Variants in GABRA2 observed in about 807,000 individuals in gnomAD.
The protein encoded by GABRA2 is gamma-aminobutyric acid receptor subunit alpha-2.
GABRA2 carries 16 observed loss-of-function variants against 48.7 expected under a neutral mutation model. The ratio of observed to expected loss-of-function variants is 0.33; its 90% CI spans 0.22 to 0.50. The LOEUF (loss-of-function observed/expected upper bound fraction) is 0.50, where lower values mean the gene tolerates loss of function less well. Ranked by LOEUF, GABRA2 falls within the 20% of genes least tolerant of loss-of-function variation. GABRA2 has a pLI of 0.98. For missense variants in GABRA2, 275 were observed against 535.6 expected (o/e 0.51, Z 4.80); for synonymous variants, 185 against 184.5 (o/e 1.00, Z -0.02).
chr4:46,300,318 C>T (rs750054239), intron 8 of GABRA2, among the ~76,000 whole-genome samples: 17 of 151,836 alleles, frequency 1.1e-4, no homozygotes, highest in South Asian at 6.2e-4. Flanking sequence ...TGTGCGCGCG[C>T]GTTTTGAGAT....
At chr4:46,383,378 C>T (rs1717021557) in intron 3 of GABRA2, among the ~76,000 whole-genome samples, 1 of 152,116 alleles carries the variant, frequency 6.6e-6, no homozygotes, top group African/African-American at 2.4e-5. Context: ...CTCAACATAC[C>T]ACCTCAACAT....
Position 46,313,733 on chromosome 4 carries a change from AT to A in GABRA2, c.256-1018del, listed in dbSNP as rs370377663. Among the ~76,000 whole-genome samples the A allele has an allele frequency of 2.9e-3, 448 of 152,266 alleles. 6 individuals carry two copies. Among genetic ancestry groups the A allele is most frequent in the African/African-American group, 9.9e-3 (413 of 41,554 alleles). ...CAGTGTATATTTGTATAAACATACT[AT>A]AAATAATTGAAATGCTCAATTACAC... On this transcript the variant is annotated intron_variant, in intron 4 of 9. Transcript: ENST00000381620.
intron 3 of GABRA2, chr4:46,368,300 G>A (rs1027605875): frequency 6.6e-6 from 1 of 152,164 alleles, no homozygotes; most frequent in Non-Finnish European, 1.5e-5. Context: ...ATGGGGGACA[G>A]AGGCCTCTCT....
At chr4:46,301,656 C>T (rs1326696066) in intron 8 of GABRA2, among the ~76,000 whole-genome samples, 8 of 152,196 alleles carry the variant, frequency 5.3e-5, no homozygotes, top group Non-Finnish European at 1.0e-4. Flanking sequence ...CAAGTCTCAG[C>T]TCAAATGGTA....
chr4:46,371,674 C>T (rs1714913883), intron 3 of GABRA2, among the ~76,000 whole-genome samples: 1 of 152,062 alleles, frequency 6.6e-6, no homozygotes, highest in African/African-American at 2.4e-5. Flanking sequence ...TATTATGCAG[C>T]ATATCCACCT....
chr4:46,257,039 A>C (rs1715978037), intron 9 of GABRA2, among the ~76,000 whole-genome samples: 2 of 151,668 alleles, frequency 1.3e-5, no homozygotes, highest in Non-Finnish European at 3.0e-5. Flanking sequence ...ACTCAATAAG[A>C]TATGTACTAA....
intron 8 of GABRA2, 29 bp from the exon 9 acceptor site, chr4:46,262,157 C>T (rs1456428807): frequency 6.9e-6 from 11 of 1,588,128 alleles, no homozygotes; most frequent in Non-Finnish European, 8.6e-6. Flanking sequence ...GAATCGAAAA[C>T]ATCAATAGGT....
chr4:46,266,989 G>T (rs1189632953), intron 8 of GABRA2, among the ~76,000 whole-genome samples: 1 of 151,964 alleles, frequency 6.6e-6, no homozygotes, highest in East Asian at 1.9e-4. Context: ...CTCCCAAAGT[G>T]CTGGGATTAC....
At chr4:46,367,491 T>TCTCTTTTTAAATATCTTCAATA (rs1251925866) in intron 3 of GABRA2, 1 of 152,070 alleles carries the variant, frequency 6.6e-6, no homozygotes, top group African/African-American at 2.4e-5. Flanking sequence ...TCAAAGAGTA[T>TCTCTTTTTAAATATCTTCAATA]CTCTTTTTAA....
At chr4:46,368,962 C>T (rs1174785225) in intron 3 of GABRA2, 1 of 699,442 alleles carries the variant, frequency 1.4e-6, no homozygotes, top group Non-Finnish European at 2.6e-6. Context: ...TTTGTTCTGG[C>T]TCTTGAAGGC....
intron 3 of GABRA2, among the ~76,000 whole-genome samples, chr4:46,385,802 CTAAG>C (rs1156409965): frequency 6.6e-6 from 1 of 151,974 alleles, no homozygotes; most frequent in African/African-American, 2.4e-5. Flanking sequence ...TTAACATACT[CTAAG>C]TGTGAGAAAG....
intron 3 of GABRA2, among the ~76,000 whole-genome samples, chr4:46,385,669 T>G (rs1253400241): frequency 1.3e-5 from 2 of 152,064 alleles, no homozygotes; most frequent in East Asian, 3.9e-4. Flanking sequence ...ATTCTTAAAT[T>G]TTTTATGTTC....
chr4:46,383,238 C>T (rs1193952570), intron 3 of GABRA2, among the ~76,000 whole-genome samples: 19 of 152,074 alleles, frequency 1.2e-4, no homozygotes, highest in Admixed American at 1.2e-3. Context: ...CATTAGAAAT[C>T]CTGTTTCACA....
intron 1 of GABRA2, chr4:46,389,034 G>T (rs200783194): frequency 9.0e-7 from 1 of 1,114,430 alleles, no homozygotes; most frequent in Non-Finnish European, 1.1e-6. Flanking sequence ...ACTGTTTTGC[G>T]CACACGTAAT....
rs1200734474 is a variant in GABRA2, at chr4:46,248,205, G to A, written c.*2103C>T. Reference sequence around the variant, plus strand: ...TAAGGGGGCAATGCGGACTTTACAAGACAAATATTCTTAAAGTATCTAATA... The same window carrying A: ...TAAGGGGGCAATGCGGACTTTACAAAACAAATATTCTTAAAGTATCTAATA... On this transcript the variant is annotated 3_prime_UTR_variant, in exon 10 of 10. Coordinates refer to ENST00000381620, the MANE Select transcript of GABRA2 (RefSeq NM_000807.4). Among the ~76,000 whole-genome samples the A allele has an allele frequency of 6.6e-6, 1 of 151,228 alleles. No individual in the cohort carries two copies. Among genetic ancestry groups the A allele is most frequent in the Admixed American group, 6.6e-5 (1 of 15,110 alleles).
chr4:46,264,527 T>G (rs1012516432), intron 8 of GABRA2, among the ~76,000 whole-genome samples: 4 of 152,124 alleles, frequency 2.6e-5, no homozygotes, highest in Non-Finnish European at 5.9e-5. Context: ...ATTTCTGGGA[T>G]AAATCCCACT....
At chr4:46,374,783 T>C (rs142936380) in intron 3 of GABRA2, among the ~76,000 whole-genome samples, 2 of 152,162 alleles carry the variant, frequency 1.3e-5, no homozygotes, top group East Asian at 3.9e-4. Context: ...TTAAATCAAA[T>C]TATTAATGCC....
chr4:46,275,664 T>C (rs1720345845), intron 8 of GABRA2, among the ~76,000 whole-genome samples: 1 of 152,178 alleles, frequency 6.6e-6, no homozygotes, highest in Admixed American at 6.5e-5. Context: ...CCCAATGTTA[T>C]CAAATTATTT....
chr4:46,370,079 A>C (rs528492903), intron 3 of GABRA2, among the ~76,000 whole-genome samples: 67 of 152,242 alleles, frequency 4.4e-4, no homozygotes, highest in Middle Eastern at 6.8e-3. Flanking sequence ...TGGAACCAAA[A>C]AAGTGAACAG....
Sources: allele counts gnomAD v4.1 joint callset (sites outside exome capture counted in the v4.1 genomes callset), GRCh38; gene constraint gnomAD v4.1.1; transcripts MANE v1.5; gene names NCBI Gene and HGNC (gene_info 2026-07-23, HGNC 2026-07-21).